ZNF827: variants seen among roughly 807,000 people sequenced by gnomAD.
ZNF827 encodes the protein zinc finger protein 827.
In ZNF827, 13 loss-of-function variants were observed where a neutral mutation model predicts 102.4. That is an observed-to-expected ratio of 0.13 (90% CI 0.08 to 0.20). The LOEUF (loss-of-function observed/expected upper bound fraction) is 0.20. Among genes scored for constraint, ZNF827 ranks in the 10% least tolerant of loss-of-function variants. The pLI is 1.00. For missense variants in ZNF827, 1,103 were observed against 1,344.4 expected (o/e 0.82, Z 2.81); for synonymous variants, 523 against 536.2 (o/e 0.98, Z 0.34).
At chr4:145,779,720 G>T (rs1388253476) in intron 8 of ZNF827, among the ~76,000 whole-genome samples, 2 of 152,182 alleles carry the variant, frequency 1.3e-5, no homozygotes, top group Non-Finnish European at 2.9e-5. Flanking sequence ...TCCGACCCCT[G>T]TCAATTCTTC....
intron 3 of ZNF827, among the ~76,000 whole-genome samples, chr4:145,887,170 CAAGT>C (rs1474642424): frequency 6.6e-6 from 1 of 152,216 alleles, no homozygotes; most frequent in Non-Finnish European, 1.5e-5. Context: ...TCTGAACAAA[CAAGT>C]GAGTGATTGG....
chr4:145,886,067 C>T lies in ZNF827; in HGVS notation c.1358G>A (p.Arg453His). The change falls in exon 4 of 15, where the codon CGT becomes CAT. Residue 453 changes from arginine (R) to histidine (H), a missense_variant. Arg to His is a conservative substitution (Grantham distance 29). Coordinates refer to ENST00000508784, the MANE Select transcript of ZNF827 (RefSeq NM_001306215.2). ...SRHFSLKLHM[R>H]CHQHFLRTEA... ...TGTCCTCAGGAAGTGCTGATGGCAACGCATGTGGAGTTTCAGGCTGAAGTG... is the reference window on the plus strand; with the variant it reads ...TGTCCTCAGGAAGTGCTGATGGCAATGCATGTGGAGTTTCAGGCTGAAGTG... 1.9e-6 allele frequency: 3 copies of T among 1,614,166 alleles called. No individual in the cohort carries two copies. The highest frequency in any genetic ancestry group is 1.7e-6 in the Non-Finnish European group (2 of 1,180,022).
intron 4 of ZNF827, among the ~76,000 whole-genome samples, chr4:145,874,825 C>T (rs1260536556): frequency 2.0e-5 from 3 of 152,204 alleles, no homozygotes; most frequent in African/African-American, 4.8e-5. Flanking sequence ...CCTTGGTAAT[C>T]AAGAGGCCCC....
intron 7 of ZNF827, among the ~76,000 whole-genome samples, chr4:145,837,252 T>C (rs879837212): frequency 5.3e-5 from 8 of 152,168 alleles, no homozygotes; most frequent in Non-Finnish European, 8.8e-5. Flanking sequence ...TCAAGAAAAG[T>C]AGAATGGACT....
intron 11 of ZNF827, among the ~76,000 whole-genome samples, chr4:145,768,858 CAAAAAAAA>C (rs1174930111): frequency 4.4e-4 from 2 of 4,530 alleles, no homozygotes; most frequent in African/African-American, 5.5e-4. Context: ...GACTCCGTCT[CAAAAAAAA>C]AAAAAAAAAA....
chr4:145,790,040 T>C (rs1276195639), intron 8 of ZNF827, among the ~76,000 whole-genome samples: 1 of 152,246 alleles, frequency 6.6e-6, no homozygotes, highest in African/African-American at 2.4e-5. Context: ...TCAGGTCAGC[T>C]TTCACTTGCT....
chr4:145,840,064 G>C (rs899350029), intron 7 of ZNF827, among the ~76,000 whole-genome samples: 3 of 152,236 alleles, frequency 2.0e-5, no homozygotes, highest in African/African-American at 7.2e-5. Context: ...AAAGTACTGA[G>C]AAAGGGCTTG....
Position 145,779,399 on chromosome 4 carries a change from CAAT to C in ZNF827, c.2493_2495del (p.Leu832del). 1 of 1,614,142 alleles carries C rather than the reference CAAT, an allele frequency of 6.2e-7. No homozygotes were observed. Among genetic ancestry groups the C allele is most frequent in the Non-Finnish European group, 8.5e-7 (1 of 1,180,004 alleles). ...CTGTGTGCAGCGAGAGGTGTCGGGA[CAAT>C]GTCTGCTGTCGGCCAAACACTTTCC... On this transcript the variant is annotated inframe_deletion, in exon 9 of 15. Coordinates refer to ENST00000508784, the MANE Select transcript of ZNF827 (RefSeq NM_001306215.2).
intron 3 of ZNF827, among the ~76,000 whole-genome samples, chr4:145,890,644 T>C (rs1334723641): frequency 6.6e-6 from 1 of 152,220 alleles, no homozygotes; most frequent in Non-Finnish European, 1.5e-5. Context: ...GCTTAGGAAA[T>C]AGTAACTAAA....
chr4:145,873,246 G>T (rs998169707), intron 4 of ZNF827, among the ~76,000 whole-genome samples: 2 of 152,122 alleles, frequency 1.3e-5, no homozygotes, highest in African/African-American at 4.8e-5. Flanking sequence ...AACAATTTTT[G>T]TTTTAACACT....
intron 4 of ZNF827, among the ~76,000 whole-genome samples, chr4:145,877,156 C>T (rs1749216359): frequency 6.6e-6 from 1 of 152,104 alleles, no homozygotes; most frequent in Admixed American, 6.5e-5. Context: ...ACAATAAGAA[C>T]ACATAGGCTC....
chr4:145,806,034 C>T (rs1741397747), intron 8 of ZNF827, among the ~76,000 whole-genome samples: 1 of 151,892 alleles, frequency 6.6e-6, no homozygotes, highest in South Asian at 2.1e-4. Context: ...GCCTCCCCCT[C>T]TAGGGTGTAT....
chr4:145,839,979 G>A (rs548946881), intron 7 of ZNF827, among the ~76,000 whole-genome samples: 5 of 152,206 alleles, frequency 3.3e-5, no homozygotes, highest in East Asian at 1.9e-4. Flanking sequence ...ATAACATTTC[G>A]GTATAGATGT....
At chr4:145,791,235 C>G (rs1250323278) in intron 8 of ZNF827, among the ~76,000 whole-genome samples, 4 of 152,212 alleles carry the variant, frequency 2.6e-5, no homozygotes, top group African/African-American at 7.2e-5. Flanking sequence ...TCACAGACAG[C>G]CATCTTTCTC....
At chr4:145,814,364 T>G (rs1434446505) in intron 8 of ZNF827, among the ~76,000 whole-genome samples, 1 of 152,176 alleles carries the variant, frequency 6.6e-6, no homozygotes, top group African/African-American at 2.4e-5. Context: ...ACATGTATGG[T>G]AGACCAGAGA....
At chr4:145,896,479 C>T (rs1349996424) in intron 2 of ZNF827, among the ~76,000 whole-genome samples, 1 of 152,126 alleles carries the variant, frequency 6.6e-6, no homozygotes, top group African/African-American at 2.4e-5. Flanking sequence ...AAGTCCTTAC[C>T]TTTGTGTCTC....
rs1178283332 is a variant in ZNF827 at position 145,762,152 on chromosome 4, T to C, written c.*18-554A>G. ...CAGAATCGTGCTTATTAAGGGTTTGTTAGGATGAGAAGGCCTGTGTGTGTC... is the reference window on the plus strand; with the variant it reads ...CAGAATCGTGCTTATTAAGGGTTTGCTAGGATGAGAAGGCCTGTGTGTGTC... On this transcript the variant is annotated intron_variant, in intron 14 of 14. Coordinates refer to ENST00000508784, the MANE Select transcript of ZNF827 (RefSeq NM_001306215.2). The surrounding 1 kb of genome is among the most constrained non-coding windows in gnomAD (Gnocchi z 4.9). 6.6e-6 allele frequency among the ~76,000 whole-genome samples: 1 copy of C among 152,126 alleles called. No homozygotes were observed. Among genetic ancestry groups the C allele is most frequent in the Non-Finnish European group, 1.5e-5 (1 of 68,020 alleles).
At chr4:145,764,773 CA>C (rs2126865040) in intron 13 of ZNF827, 3 of 610,470 alleles carry the variant, frequency 4.9e-6, no homozygotes, top group East Asian at 5.8e-5. Flanking sequence ...GGGGTATTTG[CA>C]AAATGGATTC....
intron 5 of ZNF827, among the ~76,000 whole-genome samples, chr4:145,854,776 G>C (rs184331920): frequency 1.4e-4 from 22 of 152,276 alleles, no homozygotes; most frequent in Middle Eastern, 3.4e-3. Context: ...CTATTCGGAT[G>C]TCCCCTCTGT....
Sources: allele counts gnomAD v4.1 joint callset (sites outside exome capture counted in the v4.1 genomes callset), GRCh38; gene constraint gnomAD v4.1.1; non-coding constraint Gnocchi (gnomAD v3.1); transcripts MANE v1.5; gene names NCBI Gene and HGNC (gene_info 2026-07-23, HGNC 2026-07-21).